DOCK10: variants seen among roughly 807,000 people sequenced by gnomAD.
DOCK10 encodes the protein dedicator of cytokinesis 10, also known as dedicator of cytokinesis protein 10.
A neutral mutation model predicts 280.1 loss-of-function variants in DOCK10; 145 were observed. That is an observed-to-expected ratio of 0.52 (90% CI 0.45 to 0.59). DOCK10 has a LOEUF of 0.59. Among genes scored for constraint, DOCK10 ranks in the 20% least tolerant of loss-of-function variants. The probability of loss-of-function intolerance (pLI) is 0.00; values close to 1 mark genes in which losing one functional copy is unlikely to be tolerated. For synonymous variants in DOCK10, 915 were observed against 942.2 expected (o/e 0.97, Z 0.53); for missense variants, 2,368 against 2,651.7 (o/e 0.89, Z 2.35).
At chr2:224,922,119 C>CAAAA (rs35964702) in intron 2 of DOCK10, among the ~76,000 whole-genome samples, 12 of 51,608 alleles carry the variant, frequency 2.3e-4, no homozygotes, top group East Asian at 6.7e-4. Flanking sequence ...AACTCCATCT[C>CAAAA]AAAAAAAAAA....
rs546069168 is a variant in DOCK10 at position 224,862,532 on chromosome 2, G to A, written c.1685+132C>T. On this transcript the variant is annotated intron_variant, in intron 14 of 55. Coordinates refer to ENST00000258390, the MANE Select transcript of DOCK10 (RefSeq NM_014689.3). Reference sequence around the variant, plus strand: ...CAGAGAAGCTCAAGATGTTTATGAAGATGACCATATTAGGATTTTCTAGGT... The same window carrying A: ...CAGAGAAGCTCAAGATGTTTATGAAAATGACCATATTAGGATTTTCTAGGT... 12 of 679,356 alleles carry A rather than the reference G, an allele frequency of 1.8e-5. No homozygotes were observed. The East Asian group carries it at 3.1e-4, about 17-fold the overall frequency. 42.1% of individuals were successfully genotyped at this position (679,356 alleles called of 1,614,324 possible). A position where few individuals can be genotyped will look rare whatever the true frequency, so the allele number is the denominator to read the frequency against.
chr2:225,026,427 C>T (rs1166109861), intron 1 of DOCK10, among the ~76,000 whole-genome samples: 1 of 152,142 alleles, frequency 6.6e-6, no homozygotes, highest in African/African-American at 2.4e-5. Context: ...CATTGCAAAA[C>T]ACTGTCTGGG....
Position 224,775,059 on chromosome 2 carries a change from C to A in DOCK10, c.5859G>T (p.Thr1953=), listed in dbSNP as rs888288804. Reference sequence around the variant, plus strand: ...CGATTTCCTTTTCCTCAAAGAACGGCGTCACATAGGTCACCTGGATGTAGG... The same window carrying A: ...CGATTTCCTTTTCCTCAAAGAACGGAGTCACATAGGTCACCTGGATGTAGG... ...KYAYIQVTYV[T]PFFEEKEIED... Residue 1953 remains threonine (T), a synonymous_variant, in exon 52 of 56, where the codon ACG becomes ACT. Transcript: ENST00000258390. The A allele has an allele frequency of 6.2e-7, 1 of 1,614,014 alleles. No individual in the cohort carries two copies. The highest frequency in any genetic ancestry group is 2.2e-5 in the East Asian group (1 of 44,878).
chr2:224,908,939 CT>C (rs1412037197), intron 3 of DOCK10, among the ~76,000 whole-genome samples: 4 of 152,216 alleles, frequency 2.6e-5, no homozygotes, highest in Non-Finnish European at 5.9e-5. Context: ...TCAGAGAGGG[CT>C]TTGTTGTCAG....
At chr2:224,875,232 G>T (rs1698545692) in intron 8 of DOCK10, among the ~76,000 whole-genome samples, 1 of 152,182 alleles carries the variant, frequency 6.6e-6, no homozygotes. Flanking sequence ...TACAGTAGTT[G>T]TGTTAAAATC....
intron 1 of DOCK10, among the ~76,000 whole-genome samples, chr2:224,944,937 G>A (rs1232304518): frequency 6.6e-6 from 1 of 151,918 alleles, no homozygotes; most frequent in Non-Finnish European, 1.5e-5. Flanking sequence ...GGAAAATACC[G>A]CGTCCTTACT....
rs1368181542 is a variant in DOCK10, at chr2:224,804,206, C to T, written c.4174G>A (p.Ala1392Thr). Residue 1392 changes from alanine to threonine, a missense_variant, in exon 39 of 56, where the codon GCT (alanine) becomes ACT (threonine). Ala to Thr is a moderately conservative substitution (Grantham distance 58). Coordinates refer to ENST00000258390, the MANE Select transcript of DOCK10 (RefSeq NM_014689.3). ...GACTGCACAAATTTAAATGCAGCAG[C>T]AATTTTTCTGCAATGAAAATGGAAG... ...LGKRNIIRKI[A>T]AAFKFVQSTQ... 25 of 1,606,020 alleles carry T rather than the reference C, an allele frequency of 1.6e-5. No homozygotes were observed. The highest frequency in any genetic ancestry group is 2.0e-5 in the Non-Finnish European group (24 of 1,174,996).
chr2:224,941,349 A>AG (rs1425390488), intron 1 of DOCK10, among the ~76,000 whole-genome samples: 1 of 94,592 alleles, frequency 1.1e-5, no homozygotes, highest in African/African-American at 3.6e-5. Context: ...ATAGCCTTGC[A>AG]AAACAGAGAA....
chr2:224,920,001 G>C (rs1701599468), intron 2 of DOCK10, among the ~76,000 whole-genome samples: 1 of 152,102 alleles, frequency 6.6e-6, no homozygotes, highest in African/African-American at 2.4e-5. Flanking sequence ...GCCACGGATG[G>C]AACAGGGAGC....
Position 224,819,524 on chromosome 2 carries a change from G to A in DOCK10, c.3189C>T (p.Cys1063=), listed in dbSNP as rs1694366003. Residue 1063 remains cysteine, a synonymous_variant, in exon 29 of 56, where the codon TGC becomes TGT. Transcript: ENST00000258390. The part of the protein sequence containing the change: ...NHSVARFLKR[C]FTFMDRGYVF... The stretch of plus-strand genomic sequence containing the variant: ...CATACCCTCGGTCCATAAATGTAAA[G>A]CAGCGCTAAAATAGATAAAATTCTA... 1 of 1,599,750 alleles carries A rather than the reference G, an allele frequency of 6.3e-7. No homozygotes were observed. The highest frequency in any genetic ancestry group is 1.7e-5 in the Admixed American group (1 of 57,722).
At chr2:224,984,274 A>G (rs1394092322) in intron 1 of DOCK10, among the ~76,000 whole-genome samples, 1 of 152,216 alleles carries the variant, frequency 6.6e-6, no homozygotes, top group African/African-American at 2.4e-5. Context: ...TCCGCTATCC[A>G]CCATGGGCTT....
chr2:224,918,400 T>C (rs1192814000), intron 2 of DOCK10, among the ~76,000 whole-genome samples: 1 of 150,928 alleles, frequency 6.6e-6, no homozygotes, highest in African/African-American at 2.4e-5. Context: ...GGAGTGTGTG[T>C]GCATGAGAGT....
intron 1 of DOCK10, among the ~76,000 whole-genome samples, chr2:224,978,219 G>A (rs1036747027): frequency 1.3e-4 from 20 of 152,174 alleles, no homozygotes; most frequent in African/African-American, 4.3e-4. Context: ...TGGAACACGA[G>A]GTCAGGAGTT....
At chr2:224,822,979 T>A (rs1694598724) in intron 28 of DOCK10, among the ~76,000 whole-genome samples, 1 of 151,956 alleles carries the variant, frequency 6.6e-6, no homozygotes. Context: ...CTTAGTTTTT[T>A]TTTTCTTTCT....
chr2:224,816,049 C>A (rs1396250450), intron 30 of DOCK10, among the ~76,000 whole-genome samples: 2 of 151,548 alleles, frequency 1.3e-5, no homozygotes, highest in African/African-American at 4.8e-5. Flanking sequence ...CAAAACAACC[C>A]CCTCCCCCGC....
chr2:224,852,902 G>T, intron 17 of DOCK10, 33 bp downstream of exon 17: 2 of 1,510,662 alleles, frequency 1.3e-6, no homozygotes, highest in Non-Finnish European at 1.8e-6. Flanking sequence ...ACGGTGAAAA[G>T]AAAAGATGAT....
At chr2:224,827,337 A>G (rs1694937573) in intron 27 of DOCK10, among the ~76,000 whole-genome samples, 1 of 151,896 alleles carries the variant, frequency 6.6e-6, no homozygotes, top group Non-Finnish European at 1.5e-5. Context: ...AGATGGTTAG[A>G]GTGGAAGGTG....
rs768718573 is a variant in DOCK10, at chr2:224,787,307, T to C, written c.5509A>G (p.Ile1837Val). The change falls in exon 49 of 56, where the codon ATT (isoleucine) becomes GTT (valine). Residue 1837 changes from isoleucine (I) to valine (V), a missense_variant. Ile to Val is a conservative substitution (Grantham distance 29). Transcript: ENST00000258390. ...ELIADVNKPI[I>V]AVFEKQRDFK... The stretch of plus-strand genomic sequence containing the variant: ...TCTCGTTGTTTCTCAAAGACAGCAA[T>C]GATGGGCTTGTTGACATCAGCAATG... 6.2e-7 allele frequency: 1 copy of C among 1,614,028 alleles called. No homozygotes were observed. The highest frequency in any genetic ancestry group is 8.5e-7 in the Non-Finnish European group (1 of 1,179,888).
At chr2:224,894,579 CA>C (rs1699877532) in intron 4 of DOCK10, among the ~76,000 whole-genome samples, 1 of 152,180 alleles carries the variant, frequency 6.6e-6, no homozygotes, top group South Asian at 2.1e-4. Flanking sequence ...CATGAACACC[CA>C]GACATTCTGA....
Sources: allele counts gnomAD v4.1 joint callset (sites outside exome capture counted in the v4.1 genomes callset), GRCh38; gene constraint gnomAD v4.1.1; transcripts MANE v1.5; gene names NCBI Gene and HGNC (gene_info 2026-07-23, HGNC 2026-07-21).